OLFM3: variants seen among roughly 807,000 people sequenced by gnomAD.
OLFM3 encodes noelin-3.
In OLFM3, 20 loss-of-function variants were observed where a neutral mutation model predicts 48.6. The observed-to-expected ratio is 0.41, with a 90% CI of 0.29 to 0.60. The LOEUF (loss-of-function observed/expected upper bound fraction) is 0.60, where lower values mean the gene tolerates loss of function less well. Ranked by LOEUF, OLFM3 falls within the 20% of genes least tolerant of loss-of-function variation. OLFM3 has a pLI of 0.28. For synonymous variants in OLFM3, 222 were observed against 198.1 expected (o/e 1.12, Z -1.01); for missense variants, 437 against 544.3 (o/e 0.80, Z 1.96).
At position 101,908,987 on chromosome 1, in the gene OLFM3, G is replaced by T. The variant is rs574193801; in HGVS notation, c.70-71962C>A. ...TAACCCACTAAGCTTGTGATAATTT[G>T]TTACAGTAGTCACAGGAAGTGAACA... On this transcript the variant is annotated intron_variant, in intron 1 of 5. Coordinates refer to ENST00000370103, the MANE Select transcript of OLFM3 (RefSeq NM_058170.4). Among the ~76,000 whole-genome samples, 131 of 152,310 alleles carry T rather than the reference G, an allele frequency of 8.6e-4. 1 individual carries two copies. Among genetic ancestry groups the T allele is most frequent in the South Asian group, 2.5e-3 (12 of 4,822 alleles).
chr1:101,887,111 C>T (rs559900258), intron 1 of OLFM3, among the ~76,000 whole-genome samples: 25 of 150,728 alleles, frequency 1.7e-4, no homozygotes, highest in African/African-American at 2.7e-4. Flanking sequence ...AATTATAATG[C>T]ATAAAATATA....
chr1:101,833,431 T>C (rs1557694381), intron 2 of OLFM3, among the ~76,000 whole-genome samples: 1 of 152,210 alleles, frequency 6.6e-6, no homozygotes, highest in South Asian at 2.1e-4. Flanking sequence ...AGCATCAGTT[T>C]CCTGATGACA....
Position 101,981,948 on chromosome 1 carries a change from A to G in OLFM3, c.69+14800T>C, listed in dbSNP as rs74107223. 6.0e-3 allele frequency among the ~76,000 whole-genome samples: 917 copies of G among 152,328 alleles called. 6 individuals are homozygous for G. The highest frequency in any genetic ancestry group is 0.021 in the African/African-American group (875 of 41,584). On this transcript the variant is annotated intron_variant, in intron 1 of 5. Transcript: ENST00000370103. ...GAAGGAAGGAAAGAAATGGAAAAAT[A>G]AGAAAGATATGAATAAAAGAATTAC...
At chr1:101,917,417 C>CAT (rs149319464) in intron 1 of OLFM3, among the ~76,000 whole-genome samples, 16,145 of 150,838 alleles carry the variant, frequency 0.11, 1,449 homozygotes, top group East Asian at 0.36. Context: ...AATATATGGC[C>CAT]ATATATATAT....
At chr1:101,977,207 C>G (rs1349596373) in intron 1 of OLFM3, among the ~76,000 whole-genome samples, 1 of 152,140 alleles carries the variant, frequency 6.6e-6, no homozygotes, top group Non-Finnish European at 1.5e-5. Context: ...ACAATCAACA[C>G]TTTCTCATTC....
intron 1 of OLFM3, among the ~76,000 whole-genome samples, chr1:101,863,912 C>T (rs544076628): frequency 6.6e-6 from 1 of 152,226 alleles, no homozygotes; most frequent in South Asian, 2.1e-4. Flanking sequence ...TAAAGATTCA[C>T]TATCCCTAAC....
At chr1:101,947,661 A>G (rs145882006) in intron 1 of OLFM3, among the ~76,000 whole-genome samples, 226 of 152,312 alleles carry the variant, frequency 1.5e-3, no homozygotes, top group African/African-American at 5.4e-3. Context: ...TTAAGTTTCA[A>G]TATGAGTGTT....
At chr1:101,933,330 ACAG>A (rs957815143) in intron 1 of OLFM3, among the ~76,000 whole-genome samples, 1 of 152,048 alleles carries the variant, frequency 6.6e-6, no homozygotes, top group African/African-American at 2.4e-5. Flanking sequence ...ACAAGTATTA[ACAG>A]CAGAATCAAC....
At chr1:101,964,406 G>A (rs1660554601) in intron 1 of OLFM3, among the ~76,000 whole-genome samples, 1 of 152,050 alleles carries the variant, frequency 6.6e-6, no homozygotes. Context: ...AATTTTCAGT[G>A]GAAAATACAT....
intron 1 of OLFM3, among the ~76,000 whole-genome samples, chr1:101,930,467 A>G (rs1220076404): frequency 2.0e-5 from 3 of 152,120 alleles, no homozygotes; most frequent in Non-Finnish European, 4.4e-5. Context: ...AGGAAATTAA[A>G]CTTTTGGAGC....
At chr1:101,930,351 GT>G (rs746985405) in intron 1 of OLFM3, among the ~76,000 whole-genome samples, 2 of 152,128 alleles carry the variant, frequency 1.3e-5, no homozygotes, top group Non-Finnish European at 1.5e-5. Context: ...TACTCTGTGA[GT>G]TTTTTTGAAA....
intron 1 of OLFM3, among the ~76,000 whole-genome samples, chr1:101,896,655 C>G (rs1445562814): frequency 6.8e-6 from 1 of 146,190 alleles, no homozygotes; most frequent in Non-Finnish European, 1.5e-5. Flanking sequence ...CCACCACGCC[C>G]GGCTGATTTT....
At chr1:101,993,907 A>C (rs1020352713) in intron 1 of OLFM3, among the ~76,000 whole-genome samples, 6 of 151,622 alleles carry the variant, frequency 4.0e-5, no homozygotes, top group Non-Finnish European at 8.9e-5. Context: ...GGCGATACTT[A>C]AGCACTTTAT....
In OLFM3 at chr1:101,980,785, T is replaced by C. The variant is rs146926376; in HGVS notation, c.69+15963A>G. On this transcript the variant is annotated intron_variant, in intron 1 of 5. Coordinates refer to ENST00000370103, the MANE Select transcript of OLFM3 (RefSeq NM_058170.4). ...TGTCGAATGCCCTCCAACTAGTTTA[T>C]GGCTTTGTGCATTTTCCACATCAGA... is the stretch of plus-strand genomic sequence containing the variant. 4.9e-4 allele frequency among the ~76,000 whole-genome samples: 75 copies of C among 152,330 alleles called. 1 individual carries two copies. The East Asian group carries it at 0.013, about 27-fold the overall frequency.
intron 4 of OLFM3, among the ~76,000 whole-genome samples, chr1:101,811,882 C>A (rs549726294): frequency 7.9e-5 from 12 of 152,256 alleles, no homozygotes; most frequent in Non-Finnish European, 1.0e-4. Context: ...AAGACACATG[C>A]ACACGTATGT....
At chr1:101,873,999 A>C (rs765974041) in intron 1 of OLFM3, among the ~76,000 whole-genome samples, 6 of 152,056 alleles carry the variant, frequency 3.9e-5, no homozygotes, top group African/African-American at 1.4e-4. Flanking sequence ...TATGGCTTCA[A>C]CATTTAGTTA....
In OLFM3 at chr1:101,866,597, A is replaced by G. The variant is rs577592387; in HGVS notation, c.70-29572T>C. Among the ~76,000 whole-genome samples, 13 of 152,292 alleles carry G rather than the reference A, an allele frequency of 8.5e-5. 1 individual carries two copies. In the East Asian group the frequency reaches 2.5e-3, roughly 29 times the overall value. On this transcript the variant is annotated intron_variant, in intron 1 of 5. Transcript: ENST00000370103. ...ATTTAAAAAATAGCTATGAAAGAAC[A>G]TAGAAAATTAAATAACATTTAATAG... is the stretch of plus-strand genomic sequence containing the variant.
At chr1:101,901,340 C>G (rs538049521) in intron 1 of OLFM3, among the ~76,000 whole-genome samples, 69 of 151,924 alleles carry the variant, frequency 4.5e-4, no homozygotes, top group African/African-American at 1.7e-3. Context: ...CAGATGGAGA[C>G]AAAAACCTAA....
chr1:101,850,313 A>AT (rs1489480888), intron 1 of OLFM3, among the ~76,000 whole-genome samples: 1 of 152,156 alleles, frequency 6.6e-6, no homozygotes, highest in Non-Finnish European at 1.5e-5. Flanking sequence ...CTATTGATTA[A>AT]TATATTTATT....
Sources: allele counts gnomAD v4.1 joint callset (sites outside exome capture counted in the v4.1 genomes callset), GRCh38; gene constraint gnomAD v4.1.1; transcripts MANE v1.5; gene names NCBI Gene and HGNC (gene_info 2026-07-23, HGNC 2026-07-21).